GPM6B: variants seen among roughly 807,000 people sequenced by gnomAD.
GPM6B encodes the protein glycoprotein M6B.
Under a neutral mutation model 27.2 loss-of-function variants are expected in GPM6B, and 4 were observed. The observed-to-expected ratio is 0.15, with a 90% CI of 0.07 to 0.34. The LOEUF (loss-of-function observed/expected upper bound fraction) is 0.34. Among genes scored for constraint, GPM6B ranks in the 10% least tolerant of loss-of-function variants. The pLI, the probability that GPM6B is intolerant of heterozygous loss-of-function variation, is 1.00. For synonymous variants in GPM6B, 124 were observed against 103.1 expected (o/e 1.20, Z -1.23); for missense variants, 183 against 261.9 (o/e 0.70, Z 2.08).
intron 1 of GPM6B, among the ~76,000 whole-genome samples, chrX:13,854,409 G>A (rs1214082226): frequency 1.8e-5 from 2 of 111,896 alleles, no homozygotes; most frequent in African/African-American, 6.5e-5. Flanking sequence ...GAGAAGAGAT[G>A]GCTTTTGGCT....
intron 1 of GPM6B, among the ~76,000 whole-genome samples, chrX:13,822,719 G>C (rs2049325138): frequency 9.0e-6 from 1 of 111,257 alleles, no homozygotes; most frequent in Non-Finnish European, 1.9e-5. Flanking sequence ...CAAAATCAAA[G>C]ATGTGTTCTG....
chrX:13,806,878 T>C (rs1019864086), intron 2 of GPM6B, among the ~76,000 whole-genome samples: 1 of 112,141 alleles, frequency 8.9e-6, no homozygotes, highest in South Asian at 3.7e-4. Context: ...TGAACTATGG[T>C]TGTACACTGG....
intron 1 of GPM6B, among the ~76,000 whole-genome samples, chrX:13,863,276 T>C (rs1186109179): frequency 4.5e-5 from 5 of 111,968 alleles, no homozygotes; most frequent in Non-Finnish European, 1.9e-5. Context: ...ACACATTTCA[T>C]TTCTGGATAA....
chrX:13,854,837 T>G (rs1048274297), intron 1 of GPM6B, among the ~76,000 whole-genome samples: 1 of 112,031 alleles, frequency 8.9e-6, no homozygotes, highest in Non-Finnish European at 1.9e-5. Flanking sequence ...AGCTTAATAG[T>G]ATACAGAGGT....
intron 1 of GPM6B, among the ~76,000 whole-genome samples, chrX:13,884,863 G>C (rs1382602700): frequency 8.9e-6 from 1 of 111,936 alleles, no homozygotes. Context: ...ACAACCTCTA[G>C]CTTGTGTAAG....
Position 13,812,044 on chromosome X carries a change from C to CTTTTT in GPM6B, c.62-4276_62-4275insAAAAA, listed in dbSNP as rs752162419. On this transcript the variant is annotated intron_variant, in intron 1 of 7. Coordinates refer to ENST00000316715, the MANE Select transcript of GPM6B (RefSeq NM_001001995.3). ...TTTCAAAGGAGAACACTTTTCTTTT[C>CTTTTT]TTTCTTTTTTTTTTTTTTTTTTTGA... 8.0e-3 allele frequency among the ~76,000 whole-genome samples: 662 copies of CTTTTT among 82,521 alleles called. 46 individuals carry two copies. Among genetic ancestry groups the CTTTTT allele is most frequent in the African/African-American group, 0.019 (398 of 21,098 alleles). The allele number at this position is 82,521 out of a possible 115,157, so 71.7% of individuals were successfully genotyped here. A position where few individuals can be genotyped will look rare whatever the true frequency, so the allele number is the denominator to read the frequency against.
chrX:13,797,218 C>G (rs1158993623), intron 2 of GPM6B, among the ~76,000 whole-genome samples: 3 of 111,765 alleles, frequency 2.7e-5, no homozygotes, highest in Non-Finnish European at 5.6e-5. Context: ...CAAGTGTGCC[C>G]TCCTGGCTTT....
intron 1 of GPM6B, among the ~76,000 whole-genome samples, chrX:13,891,661 A>T (rs1464894344): frequency 8.9e-6 from 1 of 112,116 alleles, no homozygotes; most frequent in Non-Finnish European, 1.9e-5. Flanking sequence ...AGGCTCACCC[A>T]CCCAAATGTG....
At chrX:13,807,935 G>A (rs753240542) in intron 1 of GPM6B, among the ~76,000 whole-genome samples, 166 bp from the exon 2 acceptor site, 6 of 112,336 alleles carry the variant, frequency 5.3e-5, no homozygotes, top group East Asian at 2.8e-4. Context: ...AATGTCCTCC[G>A]TTTCTAAATT....
chrX:13,836,907 G>A (rs1293335683), intron 1 of GPM6B, among the ~76,000 whole-genome samples: 1 of 110,939 alleles, frequency 9.0e-6, no homozygotes, highest in African/African-American at 3.3e-5. Flanking sequence ...TGCTCACGAG[G>A]AACAAAATCA....
At chrX:13,840,281 C>G (rs945000819) in intron 1 of GPM6B, among the ~76,000 whole-genome samples, 1 of 111,137 alleles carries the variant, frequency 9.0e-6, no homozygotes, top group African/African-American at 3.3e-5. Context: ...CTCTGATGCT[C>G]TCTTCTGTAA....
At chrX:13,856,613 A>G (rs946366612) in intron 1 of GPM6B, among the ~76,000 whole-genome samples, 19 of 112,348 alleles carry the variant, frequency 1.7e-4, no homozygotes, top group African/African-American at 5.2e-4. Context: ...AAACAATGCA[A>G]ATTTATTCTC....
chrX:13,908,510 A>G (rs1334973344), intron 1 of GPM6B, among the ~76,000 whole-genome samples: 1 of 112,358 alleles, frequency 8.9e-6, no homozygotes, highest in Non-Finnish European at 1.9e-5. Flanking sequence ...AAGTTGGAGG[A>G]AACTAAGGAG....
intron 3 of GPM6B, 30 bp from the exon 4 acceptor site, chrX:13,783,551 T>C: frequency 8.9e-7 from 1 of 1,128,797 alleles, no homozygotes; most frequent in Non-Finnish European, 1.2e-6. Context: ...TCCTGAACCA[T>C]TAAATTCACT....
At chrX:13,911,710 GAAATA>G (rs2050379837) in intron 1 of GPM6B, among the ~76,000 whole-genome samples, 1 of 111,763 alleles carries the variant, frequency 8.9e-6, no homozygotes, top group Non-Finnish European at 1.9e-5. Context: ...AAGCCCTCCT[GAAATA>G]AAATAACACA....
At chrX:13,920,266 C>CAAAAAAAAAAAA (rs144988935) in intron 1 of GPM6B, among the ~76,000 whole-genome samples, 1 of 22,284 alleles carries the variant, frequency 4.5e-5, no homozygotes, top group African/African-American at 1.8e-4. Flanking sequence ...GACTCTGTCT[C>CAAAAAAAAAAAA]AAAAAAAAAA....
rs764580043 is a variant in GPM6B at position 13,816,140 on chromosome X, TTTA to T, written c.61+701_61+703del. 4.0e-4 allele frequency among the ~76,000 whole-genome samples: 45 copies of T among 112,068 alleles called. 1 individual carries two copies. The East Asian group carries it at 0.012, about 30-fold the overall frequency. ...TGCCATTTTCTTACTGCAAAAACACTTTATTCTCCAAAAAACCATTCTGTATAT... is the reference window on the plus strand; with the variant it reads ...TGCCATTTTCTTACTGCAAAAACACTTTCTCCAAAAAACCATTCTGTATAT... On this transcript the variant is annotated intron_variant, in intron 1 of 7. Transcript: ENST00000316715.
chrX:13,787,041 C>CAAAAAAAAAAAAAAAAAAAAAAAAAAAA (rs869123073), intron 2 of GPM6B, among the ~76,000 whole-genome samples: 1 of 24,509 alleles, frequency 4.1e-5, no homozygotes, highest in African/African-American at 2.0e-4. Flanking sequence ...ATTAAGCCAG[C>CAAAAAAAAAAAAAAAAAAAAAAAAAAAA]AAAAAAAAAA....
chrX:13,817,699 G>A (rs2049262322), upstream of GPM6B, among the ~76,000 whole-genome samples: 1 of 112,175 alleles, frequency 8.9e-6, no homozygotes, highest in Admixed American at 9.4e-5. Flanking sequence ...AAGAGGGGGA[G>A]AAAATACATT....
Sources: allele counts gnomAD v4.1 joint callset (sites outside exome capture counted in the v4.1 genomes callset), GRCh38; gene constraint gnomAD v4.1.1; transcripts MANE v1.5; gene names NCBI Gene and HGNC (gene_info 2026-07-23, HGNC 2026-07-21).